The following RNF8 variants were observed in gnomAD, a reference collection of about 807,000 sequenced individuals.
RNF8 encodes ring finger protein 8.
Under a neutral mutation model 59.3 loss-of-function variants are expected in RNF8, and 8 were observed. The ratio of observed to expected loss-of-function variants is 0.13; its 90% confidence interval spans 0.08 to 0.24. The LOEUF is 0.24. Ranked by LOEUF, RNF8 falls within the 10% of genes least tolerant of loss-of-function variation. The pLI, the probability that RNF8 is intolerant of heterozygous loss-of-function variation, is 1.00. For missense variants in RNF8, 406 were observed against 572.6 expected (o/e 0.71, Z 2.97); for synonymous variants, 162 against 200.0 (o/e 0.81, Z 1.60).
intron 1 of RNF8, among the ~76,000 whole-genome samples, chr6:37,355,043 T>G (rs1343031218): frequency 6.6e-6 from 1 of 152,142 alleles, no homozygotes; most frequent in Non-Finnish European, 1.5e-5. Flanking sequence ...CAGAGTTCTC[T>G]CCAGAGGCTG....
intron 2 of RNF8, among the ~76,000 whole-genome samples, chr6:37,366,483 G>A (rs897822997): frequency 2.6e-5 from 4 of 151,848 alleles, no homozygotes. Flanking sequence ...GTGTGAGGAG[G>A]TTTCCTAGAT....
intron 2 of RNF8, among the ~76,000 whole-genome samples, chr6:37,364,023 T>C (rs111336095): frequency 0.031 from 4,765 of 151,498 alleles, 199 homozygotes; most frequent in East Asian, 0.09. Context: ...ACTAAAAATA[T>C]AAAAAATTAG....
chr6:37,358,361 T>G (rs1208115824), intron 1 of RNF8, among the ~76,000 whole-genome samples: 1 of 152,150 alleles, frequency 6.6e-6, no homozygotes, highest in Non-Finnish European at 1.5e-5. Flanking sequence ...GATTTAAAAT[T>G]TTTACATTTC....
intron 1 of RNF8, chr6:37,359,444 C>T (rs1316114482): frequency 1.0e-5 from 2 of 199,476 alleles, no homozygotes; most frequent in Admixed American, 1.1e-4. Flanking sequence ...TAGAAGGCAT[C>T]ATCTCATAAA....
Position 37,374,921 on chromosome 6 carries a change from G to A in RNF8, c.1128+212G>A, listed in dbSNP as rs535987453. On this transcript the variant is annotated intron_variant, in intron 5 of 7. Coordinates refer to ENST00000373479, the MANE Select transcript of RNF8 (RefSeq NM_003958.4). ...CCCTTGTTCAGAAGCAAAATGCTGG[G>A]AATAAGGCACTTGCATCCTGTATTC... Among the ~76,000 whole-genome samples, 7 of 152,322 alleles carry A rather than the reference G, an allele frequency of 4.6e-5. No individual in the cohort carries two copies. The East Asian group carries it at 1.3e-3, about 29-fold the overall frequency.
intron 7 of RNF8, among the ~76,000 whole-genome samples, chr6:37,389,703 G>C (rs747635530): frequency 3.2e-4 from 49 of 152,070 alleles, no homozygotes; most frequent in Non-Finnish European, 5.0e-4. Flanking sequence ...AGTATCGTGG[G>C]GGGGTGGGGC....
intron 4 of RNF8, among the ~76,000 whole-genome samples, chr6:37,373,097 AAACTGTTTTTAT>A (rs988354615): frequency 3.9e-5 from 6 of 152,182 alleles, no homozygotes; most frequent in African/African-American, 1.2e-4. Context: ...ACCATTATAA[AAACTGTTTTTAT>A]AATGGTCTTT....
intron 5 of RNF8, among the ~76,000 whole-genome samples, chr6:37,376,218 T>TA (rs1373973542): frequency 3.3e-5 from 5 of 152,250 alleles, no homozygotes; most frequent in Admixed American, 1.3e-4. Flanking sequence ...CAGCTTGCTA[T>TA]AAACTACTTA....
intron 2 of RNF8, chr6:37,361,575 C>T (rs1769326643): frequency 2.9e-6 from 1 of 339,390 alleles, no homozygotes; most frequent in African/African-American, 2.2e-5. Flanking sequence ...GAAATTCTAA[C>T]ATAAACAGTT....
chr6:37,356,766 T>A (rs1040559073), intron 1 of RNF8, among the ~76,000 whole-genome samples: 1 of 152,156 alleles, frequency 6.6e-6, no homozygotes, highest in Non-Finnish European at 1.5e-5. Context: ...TGTTTTGTTT[T>A]GAGACAGAGT....
intron 2 of RNF8, among the ~76,000 whole-genome samples, chr6:37,366,443 C>A (rs1308053654): frequency 6.6e-6 from 1 of 152,190 alleles, no homozygotes; most frequent in Admixed American, 6.5e-5. Context: ...CCTTATCACT[C>A]CCCATAGTTT....
chr6:37,391,044 G>T lies in RNF8; in HGVS notation c.*286G>T. Reference sequence around the variant, plus strand: ...GAAAGAGTTATTTGAGTTCTCTTCTGTTTTTTTTTAATTTGTTGTTGTTGT... The same window carrying T: ...GAAAGAGTTATTTGAGTTCTCTTCTTTTTTTTTTTAATTTGTTGTTGTTGT... On this transcript the variant is annotated 3_prime_UTR_variant, in exon 8 of 8. Coordinates refer to ENST00000373479, the MANE Select transcript of RNF8 (RefSeq NM_003958.4). 3.7e-6 allele frequency: 2 copies of T among 546,610 alleles called. No homozygotes were observed. The highest frequency in any genetic ancestry group is 1.9e-5 in the African/African-American group (1 of 51,752). The allele number at this position is 546,610 out of a possible 1,614,324, so 33.9% of individuals were successfully genotyped here.
At chr6:37,376,070 T>C (rs195377) in intron 5 of RNF8, among the ~76,000 whole-genome samples, 9,916 of 152,236 alleles carry the variant, frequency 0.065, 1,059 homozygotes, top group African/African-American at 0.22. Flanking sequence ...TGTACCTTAC[T>C]TTACAGAAAA....
intron 7 of RNF8, among the ~76,000 whole-genome samples, chr6:37,384,559 C>A (rs568228477): frequency 6.6e-6 from 1 of 152,308 alleles, no homozygotes; most frequent in South Asian, 2.1e-4. Flanking sequence ...CACAAAGACC[C>A]CTCCAGAGGT....
chr6:37,354,425 A>T, intron 1 of RNF8, 150 bp downstream of exon 1: 1 of 642,042 alleles, frequency 1.6e-6, no homozygotes, highest in African/African-American at 1.9e-5. Context: ...GGGGGGGTGG[A>T]TTCCTGGGGA....
chr6:37,380,846 C>T (rs1770231605), intron 6 of RNF8, among the ~76,000 whole-genome samples: 1 of 151,848 alleles, frequency 6.6e-6, no homozygotes, highest in Admixed American at 6.6e-5. Context: ...CTGTGACTGG[C>T]TAATATTCGT....
intron 2 of RNF8, among the ~76,000 whole-genome samples, chr6:37,367,020 G>C (rs1769583646): frequency 6.6e-6 from 1 of 152,180 alleles, no homozygotes; most frequent in African/African-American, 2.4e-5. Flanking sequence ...ACCATCAGCT[G>C]CTGAAAGCTT....
chr6:37,390,325 A>G (rs1206851919), intron 7 of RNF8, among the ~76,000 whole-genome samples: 1 of 152,250 alleles, frequency 6.6e-6, no homozygotes, highest in African/African-American at 2.4e-5. Context: ...AGGGTAATCA[A>G]GGAAGGCACC....
rs1562084566 is a variant in RNF8 at position 37,360,586 on chromosome 6, C to T, written c.240+12C>T. Reference sequence around the variant, plus strand: ...TTATGGACAACAAGGTACAGGAATTCACAGAAGCCTAATGACTTTTATTTG... The same window carrying T: ...TTATGGACAACAAGGTACAGGAATTTACAGAAGCCTAATGACTTTTATTTG... On this transcript the variant is annotated intron_variant, in intron 2 of 7. Transcript: ENST00000373479. This position sits in a 1 kb window ranked among gnomAD's most constrained non-coding sequence, Gnocchi z 4.2. 1.2e-6 allele frequency: 2 copies of T among 1,604,454 alleles called. No homozygotes were observed. Among genetic ancestry groups the T allele is most frequent in the Admixed American group, 1.7e-5 (1 of 59,472 alleles).
Sources: allele counts gnomAD v4.1 joint callset (sites outside exome capture counted in the v4.1 genomes callset), GRCh38; gene constraint gnomAD v4.1.1; non-coding constraint Gnocchi (gnomAD v3.1); transcripts MANE v1.5; gene names NCBI Gene and HGNC (gene_info 2026-07-23, HGNC 2026-07-21).